PHF24: variants seen among roughly 807,000 people sequenced by gnomAD.
PHF24 encodes Galpha inhibitory interacting protein.
In PHF24, 25 loss-of-function variants were observed where a neutral mutation model predicts 42.6. The ratio of observed to expected loss-of-function variants is 0.59; its 90% CI spans 0.43 to 0.82. PHF24 has a LOEUF of 0.82. PHF24 is among the 40% of genes least tolerant of loss of function. PHF24 has a pLI of 0.00. For missense variants in PHF24, 470 were observed against 538.1 expected (o/e 0.87, Z 1.25); for synonymous variants, 185 against 204.8 (o/e 0.90, Z 0.83).
chr9:34,761,775 C>G, the PHF24 span, among the ~76,000 whole-genome samples: 5 of 152,050 alleles, frequency 3.3e-5, no homozygotes, highest in East Asian at 9.7e-4. Flanking sequence ...ATACATGTGC[C>G]ATGCTGGTGT....
At chr9:34,680,657 C>T in the PHF24 span, among the ~76,000 whole-genome samples, 55 of 145,030 alleles carry the variant, frequency 3.8e-4, no homozygotes, top group Non-Finnish European at 2.0e-4. Context: ...CACTGCACTC[C>T]AGCCTGGGCG....
chr9:34,954,848 C>A (rs1181331532), upstream of PHF24, among the ~76,000 whole-genome samples: 1 of 152,170 alleles, frequency 6.6e-6, no homozygotes, highest in Non-Finnish European at 1.5e-5. Flanking sequence ...GAGCAAGACC[C>A]TGTCTCAAAA....
the PHF24 span, among the ~76,000 whole-genome samples, chr9:34,672,635 G>T: frequency 6.6e-6 from 1 of 152,022 alleles, no homozygotes; most frequent in Non-Finnish European, 1.5e-5. Flanking sequence ...GAGTGTCCTA[G>T]CCCGTGTCTT....
the PHF24 span, chr9:34,710,198 C>A: frequency 1.4e-6 from 1 of 704,016 alleles, no homozygotes; most frequent in Non-Finnish European, 2.4e-6. Flanking sequence ...CTTAACTTAT[C>A]CCCACTCCTT....
chr9:34,919,509 A>C, the PHF24 span, among the ~76,000 whole-genome samples: 1 of 151,940 alleles, frequency 6.6e-6, no homozygotes, highest in African/African-American at 2.4e-5. Context: ...CATGAGATCA[A>C]CTTTTTTTTT....
chr9:34,841,287 C>A, the PHF24 span, among the ~76,000 whole-genome samples: 1 of 152,272 alleles, frequency 6.6e-6, no homozygotes, highest in African/African-American at 2.4e-5. Context: ...GCGTGAGCCA[C>A]CGCGCCCAGC....
At chr9:34,802,610 C>A in the PHF24 span, among the ~76,000 whole-genome samples, 15 of 152,340 alleles carry the variant, frequency 9.8e-5, no homozygotes, top group South Asian at 3.1e-3. Flanking sequence ...CAACCCCTTA[C>A]CAAATGAAAC....
chr9:34,977,353 C>T (rs997016541), intron 6 of PHF24, 110 bp downstream of exon 6: 1 of 1,357,688 alleles, frequency 7.4e-7, no homozygotes, highest in Non-Finnish European at 1.0e-6. Flanking sequence ...GAGAGAGGAG[C>T]CTCCTGTGCA....
the PHF24 span, among the ~76,000 whole-genome samples, chr9:34,777,514 G>A: frequency 6.6e-6 from 1 of 152,202 alleles, no homozygotes; most frequent in Non-Finnish European, 1.5e-5. Flanking sequence ...TACTACTAGG[G>A]AGGGTGGTGC....
At chr9:34,976,115 C>T (rs779831373) in intron 3 of PHF24, 37 bp from the exon 4 acceptor site, 4 of 1,505,172 alleles carry the variant, frequency 2.7e-6, no homozygotes, top group Middle Eastern at 1.7e-4. Context: ...TCTTACTGGC[C>T]TGTATGGCCA....
the PHF24 span, among the ~76,000 whole-genome samples, chr9:34,696,322 T>C: frequency 6.6e-6 from 1 of 151,996 alleles, no homozygotes; most frequent in Non-Finnish European, 1.5e-5. Flanking sequence ...ACCCTGTCTC[T>C]ACTAAAAATA....
exon 3 of PHF24, chr9:34,972,348 T>G: frequency 6.3e-7 from 1 of 1,598,988 alleles, no homozygotes; most frequent in South Asian, 1.1e-5. Flanking sequence ...TTCTGCAGGT[T>G]GTCAACGATG....
the PHF24 span, among the ~76,000 whole-genome samples, chr9:34,697,803 A>C: frequency 1.3e-5 from 2 of 152,230 alleles, no homozygotes; most frequent in Non-Finnish European, 2.9e-5. Flanking sequence ...TGAGGGGAAC[A>C]CCAACTCTTT....
chr9:34,821,238 T>A, the PHF24 span, among the ~76,000 whole-genome samples: 1 of 152,264 alleles, frequency 6.6e-6, no homozygotes, highest in Admixed American at 6.5e-5. Context: ...CCACATATTC[T>A]TTGCTTCCTT....
chr9:34,876,496 A>T, the PHF24 span, among the ~76,000 whole-genome samples: 2 of 152,204 alleles, frequency 1.3e-5, no homozygotes, highest in Non-Finnish European at 2.9e-5. Flanking sequence ...AAAAATCTCA[A>T]AAGGCCCAAT....
At chr9:34,936,821 C>A in the PHF24 span, among the ~76,000 whole-genome samples, 1 of 148,574 alleles carries the variant, frequency 6.7e-6, no homozygotes, top group Admixed American at 6.7e-5. Context: ...AGTGAGGAGA[C>A]CCTCTGCCTG....
the PHF24 span, among the ~76,000 whole-genome samples, chr9:34,809,324 G>T: frequency 6.6e-6 from 1 of 152,110 alleles, no homozygotes; most frequent in Admixed American, 6.5e-5. The surrounding 1 kb of genome is among the most constrained non-coding windows in gnomAD (Gnocchi z 4.1). Flanking sequence ...TTTATAATTA[G>T]CTATCAGTGG....
At chr9:34,891,544 G>A in the PHF24 span, among the ~76,000 whole-genome samples, 2 of 152,302 alleles carry the variant, frequency 1.3e-5, no homozygotes, top group African/African-American at 4.8e-5. Flanking sequence ...CTGCTCCAGG[G>A]CAGGGATTAT....
chr9:34,821,141 T>C, the PHF24 span, among the ~76,000 whole-genome samples: 1 of 152,248 alleles, frequency 6.6e-6, no homozygotes, highest in African/African-American at 2.4e-5. Flanking sequence ...GCTTTGCCTC[T>C]TATTAGGATT....
Sources: allele counts gnomAD v4.1 joint callset (sites outside exome capture counted in the v4.1 genomes callset), GRCh38; gene constraint gnomAD v4.1.1; non-coding constraint Gnocchi (gnomAD v3.1); transcripts MANE v1.5; gene names NCBI Gene and HGNC (gene_info 2026-07-23, HGNC 2026-07-21).